Variants in INPP5A observed in about 807,000 individuals in gnomAD.
INPP5A encodes the protein inositol polyphosphate-5-phosphatase A, also known as 43 kDa inositol polyphosphate 5-phophatase.
Under a neutral mutation model 65.2 loss-of-function variants are expected in INPP5A, and 14 were observed. The ratio of observed to expected loss-of-function variants is 0.21; its 90% CI spans 0.14 to 0.34. The LOEUF is 0.34. Ranked by LOEUF, INPP5A falls within the 10% of genes least tolerant of loss-of-function variation. The probability of loss-of-function intolerance (pLI) is 1.00; values close to 1 mark genes in which losing one functional copy is unlikely to be tolerated. For synonymous variants in INPP5A, 207 were observed against 208.3 expected, an observed-to-expected ratio of 0.99 and a Z score of 0.05; for missense variants, 431 against 545.6, an observed-to-expected ratio of 0.79 and a Z score of 2.09.
intron 8 of INPP5A, among the ~76,000 whole-genome samples, chr10:132,723,690 C>T (rs549978474): frequency 9.9e-5 from 15 of 151,972 alleles, no homozygotes; most frequent in Admixed American, 2.0e-4. Flanking sequence ...TGGGGATTGG[C>T]CATGTGGGGA....
At chr10:132,710,031 TCTTAG>T (rs968390299) in intron 7 of INPP5A, among the ~76,000 whole-genome samples, 1 of 152,262 alleles carries the variant, frequency 6.6e-6, no homozygotes, top group African/African-American at 2.4e-5. Flanking sequence ...TGGCCCTTCC[TCTTAG>T]CTTAGCCATC....
rs765187617 is a variant in INPP5A at position 132,545,715 on chromosome 10, G to T, written c.75+7544G>T. Reference sequence around the variant, plus strand: ...GGATACTTGGGAATCTCAGAGCCCGGTGGGAACCAGGAACTGAGCTCAGAG... The same window carrying T: ...GGATACTTGGGAATCTCAGAGCCCGTTGGGAACCAGGAACTGAGCTCAGAG... On this transcript the variant is annotated intron_variant, in intron 1 of 15. Transcript: ENST00000368594. The surrounding 1 kb of genome is among the most constrained non-coding windows in gnomAD (Gnocchi z 4.6). 6.6e-6 allele frequency among the ~76,000 whole-genome samples: 1 copy of T among 152,220 alleles called. No homozygotes were observed. Among genetic ancestry groups the T allele is most frequent in the Non-Finnish European group, 1.5e-5 (1 of 68,032 alleles).
At chr10:132,730,887 TAA>T (rs1846072609) in intron 9 of INPP5A, among the ~76,000 whole-genome samples, 2 of 152,218 alleles carry the variant, frequency 1.3e-5, no homozygotes, top group African/African-American at 4.8e-5. Context: ...CATTTCATTT[TAA>T]TTCAGATCTG....
chr10:132,632,491 C>T (rs2072288875), intron 2 of INPP5A, among the ~76,000 whole-genome samples: 2 of 152,164 alleles, frequency 1.3e-5, no homozygotes, highest in Admixed American at 1.3e-4. Flanking sequence ...AAGGCATGTG[C>T]CGAAGTGGAT....
chr10:132,781,167 C>T (rs7084234), intron 14 of INPP5A, among the ~76,000 whole-genome samples: 2,661 of 152,270 alleles, frequency 0.017, 40 homozygotes, highest in South Asian at 0.038. Flanking sequence ...GCAGAAATGA[C>T]GTTACAATAG....
intron 4 of INPP5A, among the ~76,000 whole-genome samples, chr10:132,657,724 G>A (rs1008949479): frequency 2.0e-5 from 3 of 152,228 alleles, no homozygotes; most frequent in South Asian, 2.1e-4. Flanking sequence ...TGGAGTTTAC[G>A]GATGTTCTTT....
At chr10:132,701,702 G>A (rs896481362) in intron 6 of INPP5A, among the ~76,000 whole-genome samples, 1 of 152,214 alleles carries the variant, frequency 6.6e-6, no homozygotes, top group Non-Finnish European at 1.5e-5. Flanking sequence ...CTCTGGGAGG[G>A]GCCCCTGAAC....
At chr10:132,615,290 A>G (rs558757584) in intron 2 of INPP5A, among the ~76,000 whole-genome samples, 1 of 152,324 alleles carries the variant, frequency 6.6e-6, no homozygotes, top group African/African-American at 2.4e-5. Flanking sequence ...CCTGTCTTCC[A>G]AGTGTGGCGT....
chr10:132,582,466 G>T (rs192033929), intron 1 of INPP5A, among the ~76,000 whole-genome samples: 16 of 149,916 alleles, frequency 1.1e-4, no homozygotes, highest in Admixed American at 3.3e-4. Context: ...TGTCACCCAG[G>T]CTGAAGTACA....
intron 8 of INPP5A, among the ~76,000 whole-genome samples, chr10:132,721,325 C>T (rs1345620716): frequency 1.3e-5 from 2 of 148,638 alleles, no homozygotes; most frequent in Non-Finnish European, 3.0e-5. Context: ...AGACGGCTGT[C>T]TTGCGGGTTC....
Position 132,551,144 on chromosome 10 carries a change from A to G in INPP5A, c.75+12973A>G, listed in dbSNP as rs1707262379. ...GCCTGGTGGGCAGCTGTGGAGCCTT[A>G]TCCCTGAGCACCCTCCCTTGCCTAC... On this transcript the variant is annotated intron_variant, in intron 1 of 15. Coordinates refer to ENST00000368594, the MANE Select transcript of INPP5A (RefSeq NM_005539.5). This position sits in a 1 kb window ranked among gnomAD's most constrained non-coding sequence, Gnocchi z 5.3. Among the ~76,000 whole-genome samples the G allele has an allele frequency of 6.6e-6, 1 of 152,188 alleles. No homozygotes were observed. The highest frequency in any genetic ancestry group is 2.4e-5 in the African/African-American group (1 of 41,438).
rs532964321 is a variant in INPP5A, at chr10:132,676,547, G to A, written c.307-13845G>A. 6.6e-6 allele frequency among the ~76,000 whole-genome samples: 1 copy of A among 152,278 alleles called. No homozygotes were observed. The highest frequency in any genetic ancestry group is 2.1e-4 in the South Asian group (1 of 4,830). On this transcript the variant is annotated intron_variant, in intron 4 of 15. Coordinates refer to ENST00000368594, the MANE Select transcript of INPP5A (RefSeq NM_005539.5). The surrounding 1 kb of genome is among the most constrained non-coding windows in gnomAD (Gnocchi z 4.0). ...TTTGAAAAGCAAGGTCCATGATAATGGGCTGAACACAAGCAGGTGACTGTG... is the reference window on the plus strand; with the variant it reads ...TTTGAAAAGCAAGGTCCATGATAATAGGCTGAACACAAGCAGGTGACTGTG...
At chr10:132,781,359 C>A (rs1489712709) in intron 14 of INPP5A, among the ~76,000 whole-genome samples, 1 of 152,126 alleles carries the variant, frequency 6.6e-6, no homozygotes, top group African/African-American at 2.4e-5. Context: ...TGGCACAGAT[C>A]GTTTATTCAG....
chr10:132,696,163 T>TA (rs1167209637), intron 5 of INPP5A, among the ~76,000 whole-genome samples: 1 of 152,172 alleles, frequency 6.6e-6, no homozygotes, highest in Non-Finnish European at 1.5e-5. Flanking sequence ...GAAAGACACT[T>TA]ACTTTGTTTA....
chr10:132,596,838 TGTGTGCATGC>T (rs1398254617), intron 1 of INPP5A, among the ~76,000 whole-genome samples: 1 of 141,008 alleles, frequency 7.1e-6, no homozygotes, highest in Non-Finnish European at 1.6e-5. Context: ...CTTGTGTGCG[TGTGTGCATGC>T]GTGTGTGTGC....
At position 132,651,918 on chromosome 10, in the gene INPP5A, C is replaced by G. The variant is rs1361056958; in HGVS notation, c.306+1413C>G. Among the ~76,000 whole-genome samples the G allele has an allele frequency of 6.6e-6, 1 of 152,210 alleles. No homozygotes were observed. The highest frequency in any genetic ancestry group is 1.5e-5 in the Non-Finnish European group (1 of 68,024). ...GCTGCCCACACACAAGCGGCCTCTC[C>G]TCACGCTCTGTGGGGCACACGGGGA... On this transcript the variant is annotated intron_variant, in intron 4 of 15. Transcript: ENST00000368594. The surrounding 1 kb of genome is among the most constrained non-coding windows in gnomAD (Gnocchi z 5.0).
chr10:132,753,268 G>C lies in INPP5A; in HGVS notation c.903+3423G>C, dbSNP rs1846530464. Among the ~76,000 whole-genome samples the C allele has an allele frequency of 6.6e-6, 1 of 152,166 alleles. No homozygotes were observed. The highest frequency in any genetic ancestry group is 2.4e-5 in the African/African-American group (1 of 41,444). ...AAGGTGGTCGGACGGGGAGCCTGGG[G>C]AGATAATCCCATCTCCACGGTCCGG... On this transcript the variant is annotated intron_variant, in intron 11 of 15. Coordinates refer to ENST00000368594, the MANE Select transcript of INPP5A (RefSeq NM_005539.5). The surrounding 1 kb of genome is among the most constrained non-coding windows in gnomAD (Gnocchi z 5.3).
In INPP5A at chr10:132,550,236, C is replaced by A. The variant is rs534361217; in HGVS notation, c.75+12065C>A. Among the ~76,000 whole-genome samples the A allele has an allele frequency of 6.6e-6, 1 of 152,192 alleles. No individual in the cohort carries two copies. Among genetic ancestry groups the A allele is most frequent in the African/African-American group, 2.4e-5 (1 of 41,450 alleles). On this transcript the variant is annotated intron_variant, in intron 1 of 15. Coordinates refer to ENST00000368594, the MANE Select transcript of INPP5A (RefSeq NM_005539.5). This position sits in a 1 kb window ranked among gnomAD's most constrained non-coding sequence, Gnocchi z 4.2. ...AGACCACATTGCCACTGTTTAGGGT[C>A]AGAGTGGTCCCGCAGGTTAATTCAC...
chr10:132,548,252 T>G (rs1399324625), intron 1 of INPP5A, among the ~76,000 whole-genome samples: 2 of 151,890 alleles, frequency 1.3e-5, no homozygotes, highest in Admixed American at 6.6e-5. Context: ...GGAAGGGAGT[T>G]GGAGGAGCTG....
Sources: allele counts gnomAD v4.1 joint callset (sites outside exome capture counted in the v4.1 genomes callset), GRCh38; gene constraint gnomAD v4.1.1; non-coding constraint Gnocchi (gnomAD v3.1); transcripts MANE v1.5; gene names NCBI Gene and HGNC (gene_info 2026-07-23, HGNC 2026-07-21).